The following CCSER1 variants were observed in gnomAD, a reference collection of about 807,000 sequenced individuals.
CCSER1 encodes coiled-coil serine rich protein 1.
Under a neutral mutation model 82.0 loss-of-function variants are expected in CCSER1, and 41 were observed. The ratio of observed to expected loss-of-function variants is 0.50; its 90% CI spans 0.39 to 0.65. CCSER1 has a LOEUF of 0.65. Ranked by LOEUF, CCSER1 falls within the 30% of genes least tolerant of loss-of-function variation. The probability of loss-of-function intolerance (pLI) is 0.00; values close to 1 mark genes in which losing one functional copy is unlikely to be tolerated. For synonymous variants in CCSER1, 414 were observed against 383.9 expected, an observed-to-expected ratio of 1.08 and a Z score of -0.92; for missense variants, 1,119 against 1,064.2, an observed-to-expected ratio of 1.05 and a Z score of -0.72.
intron 10 of CCSER1, among the ~76,000 whole-genome samples, chr4:91,589,390 A>G (rs1245993004): frequency 1.3e-5 from 2 of 151,790 alleles, no homozygotes; most frequent in African/African-American, 2.4e-5. Context: ...CATTTATTGG[A>G]CTCCAGAATT....
chr4:90,752,061 A>T (rs1748748879), intron 7 of CCSER1, among the ~76,000 whole-genome samples: 1 of 152,102 alleles, frequency 6.6e-6, no homozygotes, highest in South Asian at 2.1e-4. Context: ...CTATATTACA[A>T]GCTTTAATTT....
At chr4:90,303,984 G>T (rs1411607624) in intron 1 of CCSER1, among the ~76,000 whole-genome samples, 4 of 152,126 alleles carry the variant, frequency 2.6e-5, no homozygotes, top group South Asian at 4.1e-4. Flanking sequence ...ATCAAAAAGT[G>T]GGCGAAGGAC....
intron 8 of CCSER1, among the ~76,000 whole-genome samples, chr4:90,909,852 G>GA (rs1173730485): frequency 6.6e-6 from 1 of 152,042 alleles, no homozygotes; most frequent in East Asian, 1.9e-4. Flanking sequence ...TGTACTCTTT[G>GA]AAAAAATCTA....
chr4:90,560,677 T>C (rs1778659578), intron 5 of CCSER1, among the ~76,000 whole-genome samples: 1 of 152,204 alleles, frequency 6.6e-6, no homozygotes. Context: ...CTCCTTATTA[T>C]ATTAAGTGCC....
At chr4:90,954,347 A>G (rs940795163) in intron 9 of CCSER1, among the ~76,000 whole-genome samples, 18 of 152,056 alleles carry the variant, frequency 1.2e-4, no homozygotes, top group Admixed American at 9.2e-4. Context: ...TTAGTAGTTA[A>G]CATTTTTATT....
chr4:90,243,855 T>C (rs575943316), intron 1 of CCSER1, among the ~76,000 whole-genome samples: 3 of 152,252 alleles, frequency 2.0e-5, no homozygotes, highest in South Asian at 2.1e-4. Context: ...CTTTTTTTTT[T>C]TCGCTGTTGT....
chr4:91,376,763 T>TTTTC (rs199683578), intron 10 of CCSER1, among the ~76,000 whole-genome samples: 2,987 of 152,280 alleles, frequency 0.02, 77 homozygotes, highest in African/African-American at 0.067. Context: ...TTAGGGTAGT[T>TTTTC]TTTTATTACT....
At chr4:90,251,294 G>C (rs566138507) in intron 1 of CCSER1, among the ~76,000 whole-genome samples, 6 of 151,992 alleles carry the variant, frequency 3.9e-5, no homozygotes, top group African/African-American at 1.4e-4. Flanking sequence ...ATATTGAACA[G>C]TCTTATTTTT....
intron 3 of CCSER1, among the ~76,000 whole-genome samples, chr4:90,384,644 C>T (rs1166907602): frequency 6.6e-6 from 1 of 152,128 alleles, no homozygotes; most frequent in Non-Finnish European, 1.5e-5. Flanking sequence ...GTATTCCTCT[C>T]TAACTTCCTC....
chr4:90,991,316 A>G (rs1316684426), intron 9 of CCSER1, among the ~76,000 whole-genome samples: 1 of 152,024 alleles, frequency 6.6e-6, no homozygotes, highest in African/African-American at 2.4e-5. Flanking sequence ...GGTGGCTTAA[A>G]ACAAGAGAAA....
chr4:90,371,825 A>G (rs1298688414), intron 3 of CCSER1, among the ~76,000 whole-genome samples: 1 of 152,224 alleles, frequency 6.6e-6, no homozygotes, highest in Non-Finnish European at 1.5e-5. Flanking sequence ...AACTGTCCTT[A>G]GGAGACTGCC....
intron 10 of CCSER1, among the ~76,000 whole-genome samples, chr4:91,471,102 G>T (rs1034800993): frequency 6.6e-6 from 1 of 152,198 alleles, no homozygotes; most frequent in Non-Finnish European, 1.5e-5. Context: ...TGGGCTAATC[G>T]TATCTTTATT....
chr4:91,290,500 A>T (rs573902372), intron 10 of CCSER1, among the ~76,000 whole-genome samples: 1 of 152,080 alleles, frequency 6.6e-6, no homozygotes, highest in African/African-American at 2.4e-5. Flanking sequence ...ACAGTTTTAT[A>T]ATATATTAAA....
At chr4:91,040,895 G>C (rs1415602268) in intron 9 of CCSER1, among the ~76,000 whole-genome samples, 2 of 152,110 alleles carry the variant, frequency 1.3e-5, no homozygotes, top group African/African-American at 4.8e-5. Context: ...AGCTTTATTT[G>C]GAGGGGAATA....
At chr4:91,166,709 T>G (rs1246397533) in intron 10 of CCSER1, among the ~76,000 whole-genome samples, 2 of 147,554 alleles carry the variant, frequency 1.4e-5, no homozygotes, top group Admixed American at 6.7e-5. Flanking sequence ...ATATTTTTAG[T>G]GAAAATGTAG....
At chr4:90,475,432 A>G (rs997966974) in intron 5 of CCSER1, among the ~76,000 whole-genome samples, 1 of 152,212 alleles carries the variant, frequency 6.6e-6, no homozygotes, top group African/African-American at 2.4e-5. Context: ...GCTGTTGCCT[A>G]AATATAGGTC....
chr4:91,144,124 T>G (rs1465509155), intron 10 of CCSER1, among the ~76,000 whole-genome samples: 2 of 152,104 alleles, frequency 1.3e-5, no homozygotes, highest in African/African-American at 4.8e-5. Flanking sequence ...TTTAAATCAC[T>G]GACTCAATTT....
At chr4:91,399,405 G>A (rs921009758) in intron 10 of CCSER1, among the ~76,000 whole-genome samples, 13 of 151,842 alleles carry the variant, frequency 8.6e-5, no homozygotes, top group African/African-American at 3.1e-4. Context: ...ATTATAGGAA[G>A]TAGGAGGAAA....
At chr4:90,916,042 A>G (rs918855379) in intron 8 of CCSER1, among the ~76,000 whole-genome samples, 6 of 152,222 alleles carry the variant, frequency 3.9e-5, no homozygotes, top group Non-Finnish European at 8.8e-5. Context: ...AGAACATTCC[A>G]TGCTCATGGA....
Sources: allele counts gnomAD v4.1 joint callset (sites outside exome capture counted in the v4.1 genomes callset), GRCh38; gene constraint gnomAD v4.1.1; transcripts MANE v1.5; gene names NCBI Gene and HGNC (gene_info 2026-07-23, HGNC 2026-07-21).